Variants in SPAST observed in about 807,000 individuals in gnomAD.
The protein encoded by SPAST is spastic paraplegia 4 (autosomal dominant; spastin).
SPAST carries 30 observed loss-of-function variants against 76.6 expected under a neutral mutation model. The ratio of observed to expected loss-of-function variants is 0.39; its 90% CI spans 0.29 to 0.53. SPAST has a LOEUF of 0.53. SPAST is among the 20% of genes least tolerant of loss of function. The probability of loss-of-function intolerance (pLI) is 0.68; values close to 1 mark genes in which losing one functional copy is unlikely to be tolerated. For missense variants in SPAST, 717 were observed against 770.5 expected, an observed-to-expected ratio of 0.93 and a Z score of 0.82; for synonymous variants, 305 against 281.0, an observed-to-expected ratio of 1.09 and a Z score of -0.86.
rs138483018 is a variant in SPAST, at chr2:32,104,434, G to A, written c.682+5543G>A. Among the ~76,000 whole-genome samples, 935 of 152,232 alleles carry A rather than the reference G, an allele frequency of 6.1e-3. 52 individuals are homozygous for A. In the East Asian group the frequency reaches 0.15, roughly 24 times the overall value. On this transcript the variant is annotated intron_variant, in intron 4 of 16. Coordinates refer to ENST00000315285, the MANE Select transcript of SPAST (RefSeq NM_014946.4). Reference sequence around the variant, plus strand: ...TGCCAGTCTGTGTCTTTTAATTGGAGCATTTAGCCCATTTCCATTTAAGGT... The same window carrying A: ...TGCCAGTCTGTGTCTTTTAATTGGAACATTTAGCCCATTTCCATTTAAGGT...
At chr2:32,100,865 G>A (rs1007644119) in intron 4 of SPAST, among the ~76,000 whole-genome samples, 5 of 152,136 alleles carry the variant, frequency 3.3e-5, no homozygotes, top group African/African-American at 7.2e-5. Flanking sequence ...TATCATTGAT[G>A]GACATTTGCA....
intron 16 of SPAST, among the ~76,000 whole-genome samples, chr2:32,151,311 A>T (rs988872845): frequency 6.6e-6 from 1 of 152,094 alleles, no homozygotes; most frequent in African/African-American, 2.4e-5. Context: ...TTTGATAATG[A>T]CCTTTAGCTG....
Position 32,142,161 on chromosome 2 carries a change from G to A in SPAST, c.1536+215G>A, listed in dbSNP as rs1679741666. Reference sequence around the variant, plus strand: ...AAAATGTATGTCCACACAAAGACTTGTACAAGAATTTTTATAGCAGCAATA... The same window carrying A: ...AAAATGTATGTCCACACAAAGACTTATACAAGAATTTTTATAGCAGCAATA... On this transcript the variant is annotated intron_variant, in intron 13 of 16. Transcript: ENST00000315285. Among the ~76,000 whole-genome samples, 3 of 152,070 alleles carry A rather than the reference G, an allele frequency of 2.0e-5. No individual in the cohort carries two copies. The South Asian group carries it at 6.2e-4, about 31-fold the overall frequency.
At chr2:32,073,884 T>G (rs1432380275) in intron 1 of SPAST, among the ~76,000 whole-genome samples, 1 of 152,210 alleles carries the variant, frequency 6.6e-6, no homozygotes, top group Non-Finnish European at 1.5e-5. Context: ...TCTGTAGACT[T>G]GCTGTACTTA....
rs747626213 is a variant in SPAST, at chr2:32,064,125, A to G, written c.294A>G (p.Ala98=). The G allele has an allele frequency of 2.5e-6, 4 of 1,587,952 alleles. No individual in the cohort carries two copies. The highest frequency in any genetic ancestry group is 1.7e-6 in the Non-Finnish European group (2 of 1,167,762). The change falls in exon 1 of 17, where the codon GCA becomes GCG. Residue 98 remains alanine, a synonymous_variant. Coordinates refer to ENST00000315285, the MANE Select transcript of SPAST (RefSeq NM_014946.4). ...AGAGGAGCTCCGGGGCCGCGCCAGC[A>G]CCTGCCTCGGCCTCGGCCCCGGCGC... The part of the protein sequence containing the change: ...AAKRSSGAAP[A]PASASAPAPV...
intron 3 of SPAST, among the ~76,000 whole-genome samples, chr2:32,098,237 G>A (rs1009237618): frequency 2.0e-5 from 3 of 152,052 alleles, no homozygotes; most frequent in Admixed American, 6.6e-5. Context: ...AGGCTAAGGC[G>A]GGAGGATCGC....
chr2:32,080,812 T>TTTTTTG (rs1558617987), intron 1 of SPAST, among the ~76,000 whole-genome samples: 1 of 140,842 alleles, frequency 7.1e-6, no homozygotes, highest in African/African-American at 2.8e-5. Flanking sequence ...TTTTTTTTTT[T>TTTTTTG]GAGATGGAGT....
chr2:32,071,825 A>G lies in SPAST; in HGVS notation c.415+7579A>G, dbSNP rs766393221. ...TATTGTACAGATGAAGCCTCCAGGTAGCAGGCTTCAGAGAGAATACATTGT... is the reference window on the plus strand; with the variant it reads ...TATTGTACAGATGAAGCCTCCAGGTGGCAGGCTTCAGAGAGAATACATTGT... On this transcript the variant is annotated intron_variant, in intron 1 of 16. Transcript: ENST00000315285. 3.8e-4 allele frequency among the ~76,000 whole-genome samples: 58 copies of G among 152,328 alleles called. 1 individual carries two copies. The highest frequency in any genetic ancestry group is 1.4e-3 in the African/African-American group (57 of 41,582).
At position 32,075,875 on chromosome 2, in the gene SPAST, TAA is replaced by T. The variant is rs1558614575; in HGVS notation, c.416-11616_416-11615del. 2.0e-4 allele frequency among the ~76,000 whole-genome samples: 29 copies of T among 142,774 alleles called. No homozygotes were observed. The East Asian group carries it at 4.4e-3, about 22-fold the overall frequency. The allele number at this position is 142,774 out of a possible 152,430, so 93.7% of individuals were successfully genotyped here. A position where few individuals can be genotyped will look rare whatever the true frequency, so the allele number is the denominator to read the frequency against. On this transcript the variant is annotated intron_variant, in intron 1 of 16. Coordinates refer to ENST00000315285, the MANE Select transcript of SPAST (RefSeq NM_014946.4). The stretch of plus-strand genomic sequence containing the variant: ...GACTCCTGGCTTTTTTTTTTTTTTT[TAA>T]TGAAAAATTCAAAATGCTCTTTTTT...
At chr2:32,106,471 A>G (rs762007047) in intron 4 of SPAST, among the ~76,000 whole-genome samples, 1 of 152,120 alleles carries the variant, frequency 6.6e-6, no homozygotes, top group Non-Finnish European at 1.5e-5. Flanking sequence ...CTGTCTGACA[A>G]TCCCCAGTGA....
chr2:32,145,932 G>A (rs1471233150), intron 15 of SPAST, among the ~76,000 whole-genome samples: 1 of 152,156 alleles, frequency 6.6e-6, no homozygotes, highest in Non-Finnish European at 1.5e-5. Context: ...GTACGAGAAA[G>A]ATGTTATCAT....
chr2:32,138,473 G>A lies in SPAST; in HGVS notation c.1493+1285G>A, dbSNP rs969838096. Among the ~76,000 whole-genome samples the A allele has an allele frequency of 1.1e-4, 17 of 151,932 alleles. No homozygotes were observed. In the South Asian group the frequency reaches 1.7e-3, roughly 15 times the overall value. ...ATTTTTTCATGTTTGTTGTCCCCTC[G>A]TATGTCTTTTGAGAAGTGTCTATTC... is the stretch of plus-strand genomic sequence containing the variant. On this transcript the variant is annotated intron_variant, in intron 12 of 16. Transcript: ENST00000315285.
Position 32,064,154 on chromosome 2 carries a change from TGCCGGGCGGCGAG to T in SPAST, c.328_340del (p.Gly110SerfsTer47), listed in dbSNP as rs1410418105. ...GCCTCGGCCTCGGCCCCGGCGCCGGTGCCGGGCGGCGAGGCCGAGCGCGTCCGAGTCTTCCACA... is the reference window on the plus strand; with the variant it reads ...GCCTCGGCCTCGGCCCCGGCGCCGGTGCCGAGCGCGTCCGAGTCTTCCACA... On this transcript the variant is annotated frameshift_variant, in exon 1 of 17. Transcript: ENST00000315285. LOFTEE classifies it high-confidence loss of function. 6.4e-7 allele frequency: 1 copy of T among 1,554,572 alleles called. No homozygotes were observed. The highest frequency in any genetic ancestry group is 1.4e-5 in the African/African-American group (1 of 73,084).
At chr2:32,065,011 CTT>C (rs1676452638) in intron 1 of SPAST, among the ~76,000 whole-genome samples, 1 of 151,704 alleles carries the variant, frequency 6.6e-6, no homozygotes, top group South Asian at 2.1e-4. Flanking sequence ...TTTCGGGTTT[CTT>C]TTAAGCTAAC....
chr2:32,112,659 GT>G (rs201428152), intron 4 of SPAST, among the ~76,000 whole-genome samples: 8 of 144,384 alleles, frequency 5.5e-5, no homozygotes, highest in East Asian at 2.0e-4. Context: ...TGTGGATTTT[GT>G]TTTTTTTTTT....
intron 4 of SPAST, among the ~76,000 whole-genome samples, chr2:32,099,645 C>G (rs889747118): frequency 6.6e-6 from 1 of 152,076 alleles, no homozygotes; most frequent in African/African-American, 2.4e-5. Flanking sequence ...TCATCCCAAA[C>G]ATTTATCATT....
At chr2:32,144,875 A>T (rs1679835739) in intron 14 of SPAST, 62 bp from the exon 15 acceptor site, 1 of 1,159,474 alleles carries the variant, frequency 8.6e-7, no homozygotes, top group African/African-American at 1.5e-5. Flanking sequence ...CAAGAGCAAA[A>T]CTCCATCTCA....
At chr2:32,128,541 A>T in intron 9 of SPAST, 62 bp downstream of exon 9, 1 of 1,045,664 alleles carries the variant, frequency 9.6e-7, no homozygotes, top group South Asian at 1.3e-5. Context: ...TACTGTGTTA[A>T]CTGTAAATGG....
intron 7 of SPAST, among the ~76,000 whole-genome samples, chr2:32,124,631 G>A (rs964188867): frequency 6.6e-6 from 1 of 152,108 alleles, no homozygotes; most frequent in Admixed American, 6.5e-5. Flanking sequence ...GCCAAAACTT[G>A]GAAGCAGTCA....
Sources: gnomAD v4.1 joint callset for allele counts (sites outside exome capture counted in the v4.1 genomes callset) on GRCh38, gnomAD v4.1.1 for gene constraint, MANE v1.5 for transcripts, NCBI Gene and HGNC (gene_info 2026-07-23, HGNC 2026-07-21) for gene names.